The following EPHA7 variants were observed in gnomAD, a reference collection of about 807,000 sequenced individuals.
EPHA7 encodes the protein EPH receptor A7.
In EPHA7, 25 loss-of-function variants were observed where a neutral mutation model predicts 112.6. The observed-to-expected ratio is 0.22, with a 90% CI of 0.16 to 0.31. The LOEUF is 0.31. Ranked by LOEUF, EPHA7 falls within the 10% of genes least tolerant of loss-of-function variation. The pLI is 1.00. For missense variants in EPHA7, 962 were observed against 1,212.6 expected, an observed-to-expected ratio of 0.79 and a Z score of 3.07; for synonymous variants, 437 against 406.5, an observed-to-expected ratio of 1.07 and a Z score of -0.90.
chr6:93,256,771 C>T (rs930784097), intron 12 of EPHA7, among the ~76,000 whole-genome samples: 1 of 152,026 alleles, frequency 6.6e-6, no homozygotes, highest in African/African-American at 2.4e-5. Context: ...GATGATGCAG[C>T]AATAAAAGTT....
intron 5 of EPHA7, among the ~76,000 whole-genome samples, chr6:93,286,178 C>A (rs78010742): frequency 5.9e-5 from 9 of 152,188 alleles, no homozygotes; most frequent in East Asian, 1.9e-4. Flanking sequence ...TACACACACA[C>A]CCCCACACAA....
At position 93,411,706 on chromosome 6, in the gene EPHA7, T is replaced by C. The variant is rs143162740; in HGVS notation, c.163-536A>G. 1.1e-3 allele frequency among the ~76,000 whole-genome samples: 168 copies of C among 152,212 alleles called. 2 individuals carry two copies. In the East Asian group the frequency reaches 0.031, roughly 28 times the overall value. On this transcript the variant is annotated intron_variant, in intron 2 of 16. Transcript: ENST00000369303. ...GGAATATTTTACAATCGTTTCAAAA[T>C]GAGATATAAGGAAGTAACATTTTAC...
At chr6:93,284,776 C>T (rs1771973605) in intron 5 of EPHA7, among the ~76,000 whole-genome samples, 1 of 146,804 alleles carries the variant, frequency 6.8e-6, no homozygotes, top group South Asian at 2.1e-4. Flanking sequence ...TGTTCTCACT[C>T]GTAAGTGGGA....
At chr6:93,275,641 G>C (rs1771435680) in intron 5 of EPHA7, among the ~76,000 whole-genome samples, 1 of 151,864 alleles carries the variant, frequency 6.6e-6, no homozygotes, top group African/African-American at 2.4e-5. Flanking sequence ...TGTTTCCAGA[G>C]TTCAAAGTGG....
intron 5 of EPHA7, among the ~76,000 whole-genome samples, chr6:93,319,821 C>T (rs1345029906): frequency 2.6e-5 from 4 of 152,088 alleles, no homozygotes; most frequent in Non-Finnish European, 4.4e-5. Context: ...TGAAAGATTA[C>T]ATATATTCAT....
At chr6:93,245,064 AG>A (rs1377174955) in intron 16 of EPHA7, among the ~76,000 whole-genome samples, 2 of 152,240 alleles carry the variant, frequency 1.3e-5, no homozygotes, top group African/African-American at 2.4e-5. Context: ...GCAACAACAT[AG>A]GTATGAAACT....
intron 3 of EPHA7, among the ~76,000 whole-genome samples, chr6:93,405,045 A>T (rs985887411): frequency 6.6e-6 from 1 of 151,922 alleles, no homozygotes; most frequent in Non-Finnish European, 1.5e-5. Flanking sequence ...TTAAAATTAT[A>T]GTGTACAAAA....
chr6:93,326,729 C>G (rs551517306), intron 5 of EPHA7, among the ~76,000 whole-genome samples: 1 of 117,120 alleles, frequency 8.5e-6, no homozygotes, highest in South Asian at 2.4e-4. Flanking sequence ...ACAGAGGAAT[C>G]TTGTCTATTT....
rs1019931394 is a variant in EPHA7 at position 93,338,246 on chromosome 6, C to T, written c.1324+18471G>A. Among the ~76,000 whole-genome samples, 5 of 152,102 alleles carry T rather than the reference C, an allele frequency of 3.3e-5. No individual in the cohort carries two copies. The East Asian group carries it at 9.6e-4, about 29-fold the overall frequency. Reference sequence around the variant, plus strand: ...GAAATCACATGCTTCTCTCTTCTCTCTCTTTTCTTGTGTTTTACATTCTTC... The same window carrying T: ...GAAATCACATGCTTCTCTCTTCTCTTTCTTTTCTTGTGTTTTACATTCTTC... On this transcript the variant is annotated intron_variant, in intron 5 of 16. Coordinates refer to ENST00000369303, the MANE Select transcript of EPHA7 (RefSeq NM_004440.4).
rs144785479 is a variant in EPHA7, at chr6:93,246,731, T to C, written c.2726+61A>G. The C allele has an allele frequency of 1.9e-5, 27 of 1,419,436 alleles. No homozygotes were observed. The African/African-American group carries it at 2.4e-4, about 13-fold the overall frequency. 87.9% of individuals were successfully genotyped at this position (1,419,436 alleles called of 1,614,324 possible). A position where few individuals can be genotyped will look rare whatever the true frequency, so the allele number is the denominator to read the frequency against. ...TGCCATTGTGGTGGGGTGGAGGAGATAAATGGTTTATGTTACTATTGTAAT... is the reference window on the plus strand; with the variant it reads ...TGCCATTGTGGTGGGGTGGAGGAGACAAATGGTTTATGTTACTATTGTAAT... On this transcript the variant is annotated intron_variant, in intron 15 of 16. Coordinates refer to ENST00000369303, the MANE Select transcript of EPHA7 (RefSeq NM_004440.4).
chr6:93,394,946 T>G (rs1431996197), intron 3 of EPHA7, among the ~76,000 whole-genome samples: 2 of 151,884 alleles, frequency 1.3e-5, no homozygotes, highest in Non-Finnish European at 2.9e-5. Context: ...ATATTTTACT[T>G]ACAAAATACA....
chr6:93,248,889 T>G (rs1770081113), intron 14 of EPHA7, among the ~76,000 whole-genome samples: 1 of 152,118 alleles, frequency 6.6e-6, no homozygotes, highest in Admixed American at 6.6e-5. Context: ...CAATATATGC[T>G]CAAATACTAG....
At chr6:93,252,664 A>G (rs1392020927) in intron 14 of EPHA7, among the ~76,000 whole-genome samples, 2 of 151,982 alleles carry the variant, frequency 1.3e-5, no homozygotes, top group African/African-American at 4.8e-5. Context: ...CACTCTACTG[A>G]CATAATTATA....
At chr6:93,328,370 T>C (rs1774425858) in intron 5 of EPHA7, among the ~76,000 whole-genome samples, 1 of 151,574 alleles carries the variant, frequency 6.6e-6, no homozygotes, top group Non-Finnish European at 1.5e-5. Flanking sequence ...TTTTTTTGTC[T>C]ATAGCTTTTC....
chr6:93,365,979 A>C, intron 3 of EPHA7, among the ~76,000 whole-genome samples: 1 of 152,202 alleles, frequency 6.6e-6, no homozygotes, highest in African/African-American at 2.4e-5. Flanking sequence ...TCTAAAGTTT[A>C]GAATGTAAAA....
intron 5 of EPHA7, among the ~76,000 whole-genome samples, chr6:93,338,404 T>G (rs915881689): frequency 2.0e-5 from 3 of 152,066 alleles, no homozygotes; most frequent in Non-Finnish European, 4.4e-5. Flanking sequence ...TTCAGGTACC[T>G]TGGAAGCTCC....
intron 11 of EPHA7, among the ~76,000 whole-genome samples, 189 bp from the exon 12 acceptor site, chr6:93,257,712 A>G (rs1202428897): frequency 6.6e-6 from 1 of 152,088 alleles, no homozygotes; most frequent in African/African-American, 2.4e-5. Flanking sequence ...GTCATGATTC[A>G]TAAAATTAAA....
At chr6:93,382,533 T>C (rs756644535) in intron 3 of EPHA7, among the ~76,000 whole-genome samples, 9 of 152,176 alleles carry the variant, frequency 5.9e-5, no homozygotes, top group East Asian at 3.9e-4. Context: ...ATAGACAATA[T>C]AAATAATTTA....
At chr6:93,270,483 A>T (rs1771159478) in intron 6 of EPHA7, among the ~76,000 whole-genome samples, 1 of 151,586 alleles carries the variant, frequency 6.6e-6, no homozygotes, top group African/African-American at 2.4e-5. Flanking sequence ...TAAAAATTTA[A>T]ATCTTCCTTG....
Sources: allele counts gnomAD v4.1 joint callset (sites outside exome capture counted in the v4.1 genomes callset), GRCh38; gene constraint gnomAD v4.1.1; transcripts MANE v1.5; gene names NCBI Gene and HGNC (gene_info 2026-07-23, HGNC 2026-07-21).